Variants in SH3RF1 observed in about 807,000 individuals in gnomAD.
SH3RF1 encodes the protein SH3 domain containing ring finger 1.
In SH3RF1, 32 loss-of-function variants were observed where a neutral mutation model predicts 74.0. That is an observed-to-expected ratio of 0.43 (90% CI 0.33 to 0.58). The LOEUF (loss-of-function observed/expected upper bound fraction) is 0.58. SH3RF1 is among the 20% of genes least tolerant of loss of function. SH3RF1 has a pLI of 0.05. For synonymous variants in SH3RF1, 396 were observed against 439.6 expected (o/e 0.90, Z 1.24); for missense variants, 954 against 1,130.9 (o/e 0.84, Z 2.24).
chr4:169,165,595 G>T, intron 2 of SH3RF1, among the ~76,000 whole-genome samples: 1 of 150,072 alleles, frequency 6.7e-6, no homozygotes, highest in East Asian at 2.1e-4. Flanking sequence ...CTGCACTCCA[G>T]CCTAGGTGAC....
intron 2 of SH3RF1, among the ~76,000 whole-genome samples, chr4:169,248,980 C>A (rs1036790709): frequency 1.3e-5 from 2 of 152,206 alleles, no homozygotes; most frequent in Admixed American, 6.5e-5. Context: ...ATAATCCCAG[C>A]ACTTTGGGAG....
At chr4:169,117,134 C>T (rs1168113085) in intron 9 of SH3RF1, among the ~76,000 whole-genome samples, 1 of 152,142 alleles carries the variant, frequency 6.6e-6, no homozygotes, top group Admixed American at 6.5e-5. Flanking sequence ...TTTAAGATCC[C>T]ATAGGGTCCA....
At chr4:169,128,110 C>T (rs1733555520) in intron 6 of SH3RF1, among the ~76,000 whole-genome samples, 1 of 152,128 alleles carries the variant, frequency 6.6e-6, no homozygotes, top group African/African-American at 2.4e-5. Flanking sequence ...AAGTTAAGTC[C>T]TTTTCTTTCC....
At chr4:169,242,484 T>C (rs759045505) in intron 2 of SH3RF1, among the ~76,000 whole-genome samples, 44 of 152,214 alleles carry the variant, frequency 2.9e-4, no homozygotes, top group Non-Finnish European at 4.3e-4. Flanking sequence ...TTAGTGTGCA[T>C]AAAAATCTCC....
intron 2 of SH3RF1, among the ~76,000 whole-genome samples, chr4:169,169,147 TA>T (rs1309667101): frequency 6.6e-6 from 1 of 152,188 alleles, no homozygotes; most frequent in East Asian, 1.9e-4. Context: ...TCTAGTCAAT[TA>T]AATGTGAAGT....
chr4:169,156,509 C>T lies in SH3RF1; in HGVS notation c.564G>A (p.Val188=). 3 of 1,614,082 alleles carry T rather than the reference C, an allele frequency of 1.9e-6. No individual in the cohort carries two copies. Among genetic ancestry groups the T allele is most frequent in the Non-Finnish European group, 2.5e-6 (3 of 1,179,980 alleles). Residue 188 remains valine (V), a synonymous_variant, in exon 3 of 12, where the codon GTG becomes GTA. Transcript: ENST00000284637. ...GIHGFFPTNF[V]QIIKPLPQPP... ...GCTGAGGTAACGGTTTAATAATCTG[C>T]ACAAAGTTGGTGGGGAAAAAGCCAT...
intron 11 of SH3RF1, among the ~76,000 whole-genome samples, chr4:169,098,090 T>A (rs1025508411): frequency 5.9e-5 from 9 of 152,246 alleles, no homozygotes. Context: ...ACCAACCAGA[T>A]GAGCTGTTCC....
At chr4:169,234,156 T>A (rs1730788933) in intron 2 of SH3RF1, among the ~76,000 whole-genome samples, 1 of 152,138 alleles carries the variant, frequency 6.6e-6, no homozygotes, top group Non-Finnish European at 1.5e-5. Context: ...ATTTTGCTCA[T>A]CCCCACCTGC....
chr4:169,140,295 G>C (rs1029130760), intron 4 of SH3RF1, among the ~76,000 whole-genome samples: 30 of 152,200 alleles, frequency 2.0e-4, no homozygotes. Context: ...ATGTATGAAT[G>C]TTTGAGCTCA....
intron 10 of SH3RF1, among the ~76,000 whole-genome samples, chr4:169,111,384 A>G (rs1191100785): frequency 6.6e-6 from 1 of 150,736 alleles, no homozygotes; most frequent in Non-Finnish European, 1.5e-5. Context: ...CCTCCCAAGT[A>G]GCTAGGACTA....
chr4:169,122,625 A>G (rs1733460327), intron 6 of SH3RF1, among the ~76,000 whole-genome samples: 1 of 152,198 alleles, frequency 6.6e-6, no homozygotes, highest in South Asian at 2.1e-4. Context: ...GCGGGTAGCC[A>G]TGTCATGCTG....
intron 2 of SH3RF1, among the ~76,000 whole-genome samples, chr4:169,205,718 A>T (rs1034395729): frequency 4.6e-5 from 7 of 152,206 alleles, no homozygotes; most frequent in African/African-American, 1.7e-4. Context: ...CTTTCTTGAA[A>T]TTTACCAACG....
chr4:169,147,848 A>T (rs535961506), intron 4 of SH3RF1, among the ~76,000 whole-genome samples: 122 of 152,312 alleles, frequency 8.0e-4, no homozygotes, highest in African/African-American at 1.9e-3. Flanking sequence ...TACACGATAT[A>T]AGACATGACT....
At chr4:169,119,278 A>ATT (rs11397253) in intron 8 of SH3RF1, among the ~76,000 whole-genome samples, 6,929 of 66,422 alleles carry the variant, frequency 0.1, 835 homozygotes, top group South Asian at 0.19. Context: ...TAATTTTTGT[A>ATT]TTTTTTTTTT....
chr4:169,250,532 C>T (rs1436830799), intron 2 of SH3RF1, among the ~76,000 whole-genome samples: 1 of 152,218 alleles, frequency 6.6e-6, no homozygotes, highest in Non-Finnish European at 1.5e-5. Flanking sequence ...CATCAACATA[C>T]ATCAAGTATA....
At chr4:169,106,168 A>G (rs181591599) in intron 11 of SH3RF1, among the ~76,000 whole-genome samples, 46 of 152,016 alleles carry the variant, frequency 3.0e-4, no homozygotes, top group African/African-American at 1.0e-3. Flanking sequence ...GCTGGAGTGC[A>G]GCGGCATGAT....
chr4:169,184,568 A>T (rs2126981018), intron 2 of SH3RF1, among the ~76,000 whole-genome samples: 1 of 152,334 alleles, frequency 6.6e-6, no homozygotes, highest in South Asian at 2.1e-4. Flanking sequence ...AAGAGAGCTA[A>T]ACCTAAGGAC....
At chr4:169,106,756 G>A (rs918259653) in intron 11 of SH3RF1, 91 bp downstream of exon 11, 4 of 1,072,584 alleles carry the variant, frequency 3.7e-6, no homozygotes, top group Non-Finnish European at 5.3e-6. Context: ...TTAGGAAGAT[G>A]TGGCAAAACA....
At chr4:169,248,870 T>C (rs1312236875) in intron 2 of SH3RF1, among the ~76,000 whole-genome samples, 1 of 152,160 alleles carries the variant, frequency 6.6e-6, no homozygotes, top group Non-Finnish European at 1.5e-5. Context: ...TGCTATGGTT[T>C]GAATGGCTCC....
Sources: gnomAD v4.1 joint callset for allele counts (sites outside exome capture counted in the v4.1 genomes callset) on GRCh38, gnomAD v4.1.1 for gene constraint, MANE v1.5 for transcripts, NCBI Gene and HGNC (gene_info 2026-07-23, HGNC 2026-07-21) for gene names.